The following PHKA2 variants were observed in gnomAD, a reference collection of about 807,000 sequenced individuals.
PHKA2 encodes the protein phosphorylase kinase regulatory subunit alpha 2, also known as phosphorylase b kinase regulatory subunit alpha, liver isoform.
A neutral mutation model predicts 102.0 loss-of-function variants in PHKA2; 31 were observed. The ratio of observed to expected loss-of-function variants is 0.30; its 90% CI spans 0.23 to 0.41. The LOEUF (loss-of-function observed/expected upper bound fraction) is 0.41. Among genes scored for constraint, PHKA2 ranks in the 10% least tolerant of loss-of-function variants. The pLI, the probability that PHKA2 is intolerant of heterozygous loss-of-function variation, is 1.00. For synonymous variants in PHKA2, 455 were observed against 416.2 expected, an observed-to-expected ratio of 1.09 and a Z score of -1.13; for missense variants, 858 against 1,023.1, an observed-to-expected ratio of 0.84 and a Z score of 2.20.
intron 31 of PHKA2, 57 bp downstream of exon 31, chrX:18,895,081 T>C: frequency 9.3e-7 from 1 of 1,078,208 alleles, no homozygotes; most frequent in Admixed American, 2.2e-5. Flanking sequence ...GTCCATGCAA[T>C]GAAGCCCTTA....
At chrX:18,941,021 G>C (rs2048481564) in intron 8 of PHKA2, among the ~76,000 whole-genome samples, 1 of 112,032 alleles carries the variant, frequency 8.9e-6, no homozygotes, top group African/African-American at 3.2e-5. Flanking sequence ...TTTCAGCTTA[G>C]GGAAACTTAC....
rs1218690085 is a variant in PHKA2 at position 18,926,485 on chromosome X, C to A, written c.1427G>T (p.Gly476Val). ...ADIHPIQVQP[G>V]RILSHIYAKL... ...GGCATATATGTGACTAAGAATCCGG[C>A]CCGGCTGGACTTGAATTGGATGAAT... is the stretch of plus-strand genomic sequence containing the variant. The change falls in exon 14 of 33, where the codon GGC becomes GTC. Residue 476 changes from glycine to valine, a missense_variant. Around this residue, in one of 2 missense-constraint regions of PHKA2, gnomAD observed 671 missense variants for 745.2 expected, o/e 0.90. Transcript: ENST00000379942. 2.5e-6 allele frequency: 3 copies of A among 1,202,400 alleles called. No individual in the cohort carries two copies. Among genetic ancestry groups the A allele is most frequent in the Admixed American group, 2.2e-5 (1 of 45,856 alleles).
chrX:18,952,674 G>C (rs1413991277), intron 2 of PHKA2, 133 bp from the exon 3 acceptor site: 2 of 554,031 alleles, frequency 3.6e-6, no homozygotes, highest in African/African-American at 4.5e-5. Context: ...GAGCCTACGT[G>C]AGTGTTCTGA....
intron 15 of PHKA2, 88 bp downstream of exon 15, chrX:18,925,580 C>A: frequency 3.4e-6 from 2 of 581,601 alleles, no homozygotes; most frequent in Non-Finnish European, 6.2e-6. Flanking sequence ...CCTATGCATG[C>A]AGAATTCTGT....
chrX:18,906,661 C>G, intron 24 of PHKA2, 37 bp from the exon 25 acceptor site: 1 of 1,191,204 alleles, frequency 8.4e-7, no homozygotes, highest in Non-Finnish European at 1.1e-6. Context: ...GTTTCAGAGA[C>G]AGGGTGAGTG....
At chrX:18,977,764 A>G (rs899437641) in intron 1 of PHKA2, among the ~76,000 whole-genome samples, 1 of 112,074 alleles carries the variant, frequency 8.9e-6, no homozygotes, top group African/African-American at 3.2e-5. Context: ...TTTGTCCAGT[A>G]TATCTTGTCC....
At chrX:18,969,978 G>A (rs1210564373) in intron 1 of PHKA2, among the ~76,000 whole-genome samples, 1 of 112,338 alleles carries the variant, frequency 8.9e-6, no homozygotes, top group Non-Finnish European at 1.9e-5. Flanking sequence ...GATGGCTCAT[G>A]CCTCTAACCC....
chrX:18,928,896 G>A (rs2048262792), intron 13 of PHKA2, among the ~76,000 whole-genome samples: 1 of 112,789 alleles, frequency 8.9e-6, no homozygotes, highest in Non-Finnish European at 1.9e-5. Flanking sequence ...ACCCTCAGTT[G>A]GGTTCTGAGT....
At chrX:18,982,677 T>C (rs1037483052) in intron 1 of PHKA2, among the ~76,000 whole-genome samples, 15 of 110,985 alleles carry the variant, frequency 1.4e-4, no homozygotes, top group African/African-American at 4.3e-4. Context: ...CTACTAAAAA[T>C]GCAAAAATTA....
chrX:18,921,368 G>T (rs1277179814), intron 17 of PHKA2, among the ~76,000 whole-genome samples: 1 of 111,334 alleles, frequency 9.0e-6, no homozygotes, highest in Non-Finnish European at 1.9e-5. Flanking sequence ...GGAGGTTGCA[G>T]TGAGCCGAGA....
intron 26 of PHKA2, among the ~76,000 whole-genome samples, chrX:18,903,441 G>A (rs1269983914): frequency 2.7e-5 from 3 of 112,434 alleles, no homozygotes; most frequent in African/African-American, 3.2e-5. Context: ...CTGGCACCCC[G>A]GGCAGCTGTG....
At chrX:18,969,826 T>C (rs180790877) in intron 1 of PHKA2, among the ~76,000 whole-genome samples, 19 of 112,565 alleles carry the variant, frequency 1.7e-4, no homozygotes, top group African/African-American at 6.1e-4. Flanking sequence ...AAGAAAAGTA[T>C]GTGTCCATAA....
chrX:18,982,519 T>TG (rs1258798520), intron 1 of PHKA2, among the ~76,000 whole-genome samples: 1 of 112,211 alleles, frequency 8.9e-6, no homozygotes, highest in East Asian at 2.8e-4. Context: ...AAACCACAAC[T>TG]GGTCCAAAGG....
intron 18 of PHKA2, among the ~76,000 whole-genome samples, chrX:18,919,746 A>AAAAAAAAAAAAAG (rs1556000663): frequency 9.7e-6 from 1 of 103,223 alleles, no homozygotes; most frequent in African/African-American, 3.7e-5. Flanking sequence ...AAAAAAAAAA[A>AAAAAAAAAAAAAG]AGAGAGAGAG....
intron 6 of PHKA2, among the ~76,000 whole-genome samples, chrX:18,944,495 C>G (rs2048546448): frequency 9.0e-6 from 1 of 111,643 alleles, no homozygotes; most frequent in Admixed American, 9.5e-5. Context: ...GGAGGCACAC[C>G]ATATGTCTAT....
At chrX:18,919,133 GAATAAT>G (rs933311431) in intron 18 of PHKA2, among the ~76,000 whole-genome samples, 1 of 111,853 alleles carries the variant, frequency 8.9e-6, no homozygotes, top group African/African-American at 3.3e-5. Flanking sequence ...AAGATGAACT[GAATAAT>G]ATGTAAGACA....
intron 30 of PHKA2, 137 bp downstream of exon 30, chrX:18,897,026 G>C: frequency 1.4e-6 from 1 of 718,635 alleles, no homozygotes; most frequent in Non-Finnish European, 2.2e-6. Context: ...AGAATGCCTC[G>C]GCCCCAGGTG....
chrX:18,904,102 G>T (rs975968908), intron 26 of PHKA2, among the ~76,000 whole-genome samples: 4 of 111,752 alleles, frequency 3.6e-5, no homozygotes, highest in African/African-American at 6.5e-5. Flanking sequence ...TGTGCAGGAG[G>T]AGTAGTGACA....
At chrX:18,965,304 C>T (rs1569334492) in intron 1 of PHKA2, among the ~76,000 whole-genome samples, 1 of 111,865 alleles carries the variant, frequency 8.9e-6, no homozygotes, top group Non-Finnish European at 1.9e-5. Flanking sequence ...ACATACAGAA[C>T]ACATTCAGCT....
Sources: gnomAD v4.1 joint callset for allele counts (sites outside exome capture counted in the v4.1 genomes callset) on GRCh38, gnomAD v4.1.1 for gene constraint, gnomAD v4.1.1 regional missense constraint, MANE v1.5 for transcripts, NCBI Gene and HGNC (gene_info 2026-07-23, HGNC 2026-07-21) for gene names.